The following COL11A1 variants were observed in gnomAD, a reference collection of about 807,000 sequenced individuals.
The protein encoded by COL11A1 is collagen type XI alpha 1 chain, also known as collagen alpha-1(XI) chain.
COL11A1 carries 74 observed loss-of-function variants against 265.2 expected under a neutral mutation model. The ratio of observed to expected loss-of-function variants is 0.28; its 90% confidence interval spans 0.23 to 0.34. COL11A1 has a LOEUF of 0.34. Ranked by LOEUF, COL11A1 falls within the 10% of genes least tolerant of loss-of-function variation. The pLI, the probability that COL11A1 is intolerant of heterozygous loss-of-function variation, is 1.00. For synonymous variants in COL11A1, 816 were observed against 727.6 expected (o/e 1.12, Z -1.96); for missense variants, 2,165 against 2,263.6 (o/e 0.96, Z 0.88).
intron 46 of COL11A1, among the ~76,000 whole-genome samples, chr1:102,932,884 C>A (rs1213735419): frequency 6.6e-6 from 1 of 151,366 alleles, no homozygotes; most frequent in Non-Finnish European, 1.5e-5. Flanking sequence ...TTGATCGCAT[C>A]GGCTCCTGAG....
intron 4 of COL11A1, among the ~76,000 whole-genome samples, chr1:103,039,745 T>G (rs1425569897): frequency 2.5e-5 from 3 of 118,448 alleles, no homozygotes; most frequent in Non-Finnish European, 6.1e-5. Flanking sequence ...AATACTAGGG[T>G]TTTTTTTTTA....
chr1:103,074,537 C>T (rs1224431772), intron 4 of COL11A1, 81 bp downstream of exon 4: 9 of 1,487,252 alleles, frequency 6.1e-6, no homozygotes, highest in Non-Finnish European at 8.4e-6. Context: ...TAACGTATTG[C>T]TATAAAGCGA....
chr1:102,886,597 A>G (rs564669118), intron 63 of COL11A1, among the ~76,000 whole-genome samples: 1 of 152,356 alleles, frequency 6.6e-6, no homozygotes, highest in South Asian at 2.1e-4. Context: ...GTCATAATTT[A>G]ATAAAATCCC....
Position 103,108,278 on chromosome 1 carries a change from C to T in COL11A1, c.-100G>A. ...GGTATCGCCAGGGATGTTTGCTACA[C>T]AGCCATTGGGGAGGGAGAGGGGGAA... On this transcript the variant is annotated 5_prime_UTR_variant, in exon 1 of 67. In the 5' UTR this introduces an upstream ATG that the reference lacks. Transcript: ENST00000370096. 2 of 885,404 alleles carry T rather than the reference C, an allele frequency of 2.3e-6. No individual in the cohort carries two copies. Among genetic ancestry groups the T allele is most frequent in the Middle Eastern group, 3.1e-4 (1 of 3,188 alleles). The allele number at this position is 885,404 out of a possible 1,614,324, so 54.8% of individuals were successfully genotyped here.
At chr1:102,928,448 G>A (rs1351902856) in intron 46 of COL11A1, among the ~76,000 whole-genome samples, 1 of 151,684 alleles carries the variant, frequency 6.6e-6, no homozygotes, top group African/African-American at 2.4e-5. Flanking sequence ...TTTTATGGCT[G>A]CATAGTATTT....
chr1:103,030,507 C>T (rs1161169095), intron 5 of COL11A1, among the ~76,000 whole-genome samples: 3 of 151,036 alleles, frequency 2.0e-5, no homozygotes, highest in African/African-American at 4.9e-5. Context: ...TTGATATTTT[C>T]AAATTTCTAC....
chr1:103,067,955 A>G (rs1671279862), intron 4 of COL11A1, among the ~76,000 whole-genome samples: 1 of 151,646 alleles, frequency 6.6e-6, no homozygotes, highest in Non-Finnish European at 1.5e-5. Context: ...ATATGTTAAA[A>G]CAATTCTAAA....
intron 23 of COL11A1, 41 bp downstream of exon 23, chr1:103,002,387 C>T (rs1040174052): frequency 4.1e-5 from 62 of 1,504,486 alleles, no homozygotes; most frequent in Non-Finnish European, 5.0e-5. Context: ...ATAGCATCTT[C>T]CCCCCATTAT....
At chr1:102,979,344 C>T in intron 32 of COL11A1, 38 bp downstream of exon 32, 2 of 1,495,372 alleles carry the variant, frequency 1.3e-6, no homozygotes, top group Non-Finnish European at 9.3e-7. Flanking sequence ...GCTAAGAACA[C>T]TTATATACAT....
intron 41 of COL11A1, among the ~76,000 whole-genome samples, chr1:102,960,429 T>A (rs1007906982): frequency 2.0e-5 from 3 of 151,854 alleles, no homozygotes; most frequent in Non-Finnish European, 4.4e-5. Context: ...GACAGCCAAC[T>A]ATATTCCAAT....
intron 4 of COL11A1, among the ~76,000 whole-genome samples, chr1:103,047,363 G>T (rs926977090): frequency 1.3e-5 from 2 of 152,080 alleles, no homozygotes; most frequent in African/African-American, 4.8e-5. Flanking sequence ...TATTCTCTTT[G>T]TAAAAATTGT....
At chr1:103,007,263 T>C (rs1665710956) in intron 15 of COL11A1, among the ~76,000 whole-genome samples, 2 of 152,126 alleles carry the variant, frequency 1.3e-5, no homozygotes, top group Admixed American at 1.3e-4. Context: ...AGATTAAAGG[T>C]TTAAAATTCT....
chr1:103,063,711 G>A (rs534123541), intron 4 of COL11A1, among the ~76,000 whole-genome samples: 44 of 151,990 alleles, frequency 2.9e-4, no homozygotes, highest in Admixed American at 6.6e-5. Context: ...TGATAATCTA[G>A]GCTTTATTAA....
Position 103,015,699 on chromosome 1 carries a change from G to C in COL11A1, c.1457C>G (p.Pro486Arg). ...RPGLPGADGL[P>R]GPPGTMLMLP... ...CATCAACATAGTACCAGGAGGACCAGGTAGACCATCAGCCCCTGGTAAGCC... is the reference window on the plus strand; with the variant it reads ...CATCAACATAGTACCAGGAGGACCACGTAGACCATCAGCCCCTGGTAAGCC... The change falls in exon 12 of 67, where the codon CCT (proline) becomes CGT (arginine). Residue 486 changes from proline (P) to arginine (R), a missense_variant. Coordinates refer to ENST00000370096, the MANE Select transcript of COL11A1 (RefSeq NM_001854.4). The C allele has an allele frequency of 6.2e-7, 1 of 1,609,516 alleles. No homozygotes were observed. The highest frequency in any genetic ancestry group is 8.5e-7 in the Non-Finnish European group (1 of 1,177,534).
At chr1:102,976,288 G>GTTTTTTTTTTTTTTTTTTTT (rs1557893410) in intron 35 of COL11A1, among the ~76,000 whole-genome samples, 1 of 45,242 alleles carries the variant, frequency 2.2e-5, no homozygotes, top group Non-Finnish European at 5.8e-5. Flanking sequence ...GAAAACGTTG[G>GTTTTTTTTTTTTTTTTTTTT]CTTTTTTTTT....
chr1:102,914,434 AT>A, intron 51 of COL11A1, 29 bp from the exon 52 acceptor site: 1 of 1,571,538 alleles, frequency 6.4e-7, no homozygotes, highest in Non-Finnish European at 8.7e-7. Context: ...AGAAAAAGAA[AT>A]AAATGAAAAA....
chr1:102,956,923 A>G (rs181324627), intron 41 of COL11A1, among the ~76,000 whole-genome samples: 61 of 151,986 alleles, frequency 4.0e-4, no homozygotes, highest in African/African-American at 1.4e-3. Flanking sequence ...AATTTTAAAT[A>G]TTCTATAAAA....
intron 28 of COL11A1, among the ~76,000 whole-genome samples, chr1:102,995,133 A>C (rs1011613539): frequency 3.9e-5 from 6 of 152,156 alleles, no homozygotes; most frequent in Non-Finnish European, 7.4e-5. Context: ...TTGGGTGGGC[A>C]TACAGCTAAA....
chr1:103,085,453 G>A (rs759512388), intron 1 of COL11A1, among the ~76,000 whole-genome samples: 1 of 152,172 alleles, frequency 6.6e-6, no homozygotes, highest in African/African-American at 2.4e-5. Flanking sequence ...AAGGAAACCA[G>A]AGTGCCCAGT....
Sources: allele counts gnomAD v4.1 joint callset (sites outside exome capture counted in the v4.1 genomes callset), GRCh38; gene constraint gnomAD v4.1.1; transcripts MANE v1.5; gene names NCBI Gene and HGNC (gene_info 2026-07-23, HGNC 2026-07-21).